Variants in DNASE1L3 observed in about 807,000 individuals in gnomAD.
DNASE1L3 encodes deoxyribonuclease 1L3.
A neutral mutation model predicts 30.9 loss-of-function variants in DNASE1L3; 27 were observed. That is an observed-to-expected ratio of 0.87 (90% CI 0.64 to 1.20). The LOEUF (loss-of-function observed/expected upper bound fraction) is 1.20, where lower values mean the gene tolerates loss of function less well. DNASE1L3 is among the 50% of genes most tolerant of loss of function. The pLI is 0.00. For missense variants in DNASE1L3, 364 were observed against 378.2 expected (o/e 0.96, Z 0.31); for synonymous variants, 135 against 138.0 (o/e 0.98, Z 0.15).
chr3:58,208,395 G>T, intron 1 of DNASE1L3, 89 bp from the exon 2 acceptor site: 1 of 1,303,432 alleles, frequency 7.7e-7, no homozygotes, highest in Non-Finnish European at 1.1e-6. Flanking sequence ...TTTAAGTATT[G>T]CACTGAGTGC....
chr3:58,206,442 G>A (rs1230602302), intron 2 of DNASE1L3, among the ~76,000 whole-genome samples: 4 of 152,170 alleles, frequency 2.6e-5, no homozygotes, highest in Admixed American at 1.3e-4. Flanking sequence ...GTGAACAGTA[G>A]GTTCTGCCGG....
At chr3:58,194,314 C>CTTTTTTTTTTT (rs11358965) in intron 6 of DNASE1L3, among the ~76,000 whole-genome samples, 1 of 89,052 alleles carries the variant, frequency 1.1e-5, no homozygotes, top group African/African-American at 4.7e-5. Context: ...GCACAACTAA[C>CTTTTTTTTTTT]TTTTTTTTTT....
At chr3:58,199,223 G>T (rs781735301) in intron 5 of DNASE1L3, among the ~76,000 whole-genome samples, 23 of 152,304 alleles carry the variant, frequency 1.5e-4, no homozygotes, top group Non-Finnish European at 3.1e-4. Context: ...TTCACTATGT[G>T]CCAGGCCTAG....
intron 4 of DNASE1L3, among the ~76,000 whole-genome samples, chr3:58,202,859 A>T (rs2097401693): frequency 6.6e-6 from 1 of 152,146 alleles, no homozygotes; most frequent in South Asian, 2.1e-4. Context: ...GTCTAAAAAA[A>T]AAAAAATGAG....
chr3:58,200,906 TCCTCCC>T lies in DNASE1L3; in HGVS notation c.546+85_546+90del. 1.0e-6 allele frequency: 1 copy of T among 992,194 alleles called. No homozygotes were observed. Among genetic ancestry groups the T allele is most frequent in the South Asian group, 1.8e-5 (1 of 57,062 alleles). 61.5% of individuals were successfully genotyped at this position (992,194 alleles called of 1,614,324 possible). ...GGTGGTAGCCTGCACATGCCCTTCC[TCCTCCC>T]CCTCCCTGGAGAGGTACTCATCCCA... On this transcript the variant is annotated intron_variant, in intron 5 of 7. Transcript: ENST00000394549. The surrounding 1 kb of genome is among the most constrained non-coding windows in gnomAD (Gnocchi z 4.2).
intron 4 of DNASE1L3, 48 bp from the exon 5 acceptor site, chr3:58,201,157 T>A: frequency 6.7e-7 from 1 of 1,499,342 alleles, no homozygotes; most frequent in Non-Finnish European, 9.2e-7. Context: ...CCTGTCAAGG[T>A]CTCATAAACA....
chr3:58,209,839 A>G lies in DNASE1L3; in HGVS notation c.141+927T>C, dbSNP rs547083060. ...TGGACCCAGGGCTCCTGGCCCCCCTACCACACCATGGTGTCTCAGGTTTCC... is the reference window on the plus strand; with the variant it reads ...TGGACCCAGGGCTCCTGGCCCCCCTGCCACACCATGGTGTCTCAGGTTTCC... On this transcript the variant is annotated intron_variant, in intron 1 of 7. Coordinates refer to ENST00000394549, the MANE Select transcript of DNASE1L3 (RefSeq NM_004944.4). Among the ~76,000 whole-genome samples, 20 of 152,346 alleles carry G rather than the reference A, an allele frequency of 1.3e-4. No homozygotes were observed. In the South Asian group the frequency reaches 4.1e-3, roughly 32 times the overall value.
chr3:58,204,683 C>G, intron 4 of DNASE1L3, 86 bp downstream of exon 4: 2 of 1,112,170 alleles, frequency 1.8e-6, no homozygotes. Context: ...AGCCTAATGC[C>G]TCCTTAATGG....
At chr3:58,205,896 G>C (rs184859580) in intron 2 of DNASE1L3, among the ~76,000 whole-genome samples, 1 of 152,328 alleles carries the variant, frequency 6.6e-6, no homozygotes, top group Admixed American at 6.5e-5. Context: ...AGGCCACTGA[G>C]ACCCTAGAAG....
intron 4 of DNASE1L3, 31 bp downstream of exon 4, chr3:58,204,738 T>A (rs1400114682): frequency 6.3e-7 from 1 of 1,594,338 alleles, no homozygotes; most frequent in Non-Finnish European, 8.6e-7. Flanking sequence ...GTTGGGGAGG[T>A]CCCAGACAGA....
Position 58,208,318 on chromosome 3 carries a change from A to G in DNASE1L3, c.142-12T>C. The G allele has an allele frequency of 6.2e-7, 1 of 1,614,090 alleles. No homozygotes were observed. Among genetic ancestry groups the G allele is most frequent in the Non-Finnish European group, 8.5e-7 (1 of 1,179,902 alleles). On this transcript the variant is annotated splice_polypyrimidine_tract_variant and intron_variant, in intron 1 of 7. Coordinates refer to ENST00000394549, the MANE Select transcript of DNASE1L3 (RefSeq NM_004944.4). Reference sequence around the variant, plus strand: ...CAGCGTTTGATGACCTGCAAGAAAGAGAATTCCCAGGGGTTTGAGGTCATT... The same window carrying G: ...CAGCGTTTGATGACCTGCAAGAAAGGGAATTCCCAGGGGTTTGAGGTCATT...
chr3:58,206,723 C>T (rs1049515725), intron 2 of DNASE1L3, among the ~76,000 whole-genome samples: 3 of 152,158 alleles, frequency 2.0e-5, no homozygotes, highest in African/African-American at 7.2e-5. Flanking sequence ...CCCCCACAAA[C>T]CTGTCCCCTC....
intron 2 of DNASE1L3, among the ~76,000 whole-genome samples, chr3:58,207,458 C>T (rs1339002580): frequency 5.5e-5 from 4 of 72,600 alleles, no homozygotes; most frequent in African/African-American, 3.1e-4. Flanking sequence ...CCCCCCCCAC[C>T]AGAAGTAACC....
chr3:58,204,077 C>T (rs183034101), intron 4 of DNASE1L3, among the ~76,000 whole-genome samples: 53 of 151,618 alleles, frequency 3.5e-4, no homozygotes, highest in Non-Finnish European at 5.7e-4. Context: ...GAGGAGTCTG[C>T]GATGCAGTGA....
chr3:58,210,947 C>A lies in DNASE1L3; in HGVS notation c.-41G>T. The A allele has an allele frequency of 6.2e-7, 1 of 1,609,420 alleles. No homozygotes were observed. The highest frequency in any genetic ancestry group is 8.5e-7 in the Non-Finnish European group (1 of 1,178,026). ...GCTTCAAGACTCTGTGAGAAGACAG[C>A]AGTGCTTGGAGTGCTGGATTCTGGC... On this transcript the variant is annotated 5_prime_UTR_variant, in exon 1 of 8. Coordinates refer to ENST00000394549, the MANE Select transcript of DNASE1L3 (RefSeq NM_004944.4).
chr3:58,203,980 T>C (rs2097402309), intron 4 of DNASE1L3, among the ~76,000 whole-genome samples: 1 of 152,130 alleles, frequency 6.6e-6, no homozygotes, highest in Non-Finnish European at 1.5e-5. Context: ...TACAGGAGGC[T>C]GGCACTTAAT....
intron 6 of DNASE1L3, among the ~76,000 whole-genome samples, chr3:58,194,326 T>TTC: frequency 6.9e-6 from 1 of 145,862 alleles, no homozygotes; most frequent in Admixed American, 6.8e-5. Flanking sequence ...TTTTTTTTTT[T>TTC]TTTTTTTTTT....
At position 58,192,942 on chromosome 3, in the gene DNASE1L3, C is replaced by T. The variant is rs1412926538; in HGVS notation, c.802-139G>A. The T allele has an allele frequency of 2.3e-5, 34 of 1,460,152 alleles. No individual in the cohort carries two copies. In the South Asian group the frequency reaches 4.1e-4, roughly 18 times the overall value. The allele number at this position is 1,460,152 out of a possible 1,614,324, so 90.4% of individuals were successfully genotyped here. The stretch of plus-strand genomic sequence containing the variant: ...ACCCCACAGAACACTTACTGGTAAG[C>T]GTCATTCCAAGACCAGCTCGATCAG... On this transcript the variant is annotated intron_variant, in intron 7 of 7. Transcript: ENST00000394549. The surrounding 1 kb of genome is among the most constrained non-coding windows in gnomAD (Gnocchi z 4.8).
intron 6 of DNASE1L3, among the ~76,000 whole-genome samples, chr3:58,194,080 A>C (rs1261453770): frequency 6.6e-6 from 1 of 152,216 alleles, no homozygotes; most frequent in African/African-American, 2.4e-5. Flanking sequence ...AAATCACAGC[A>C]TATGTGCTTT....
Sources: allele counts gnomAD v4.1 joint callset (sites outside exome capture counted in the v4.1 genomes callset), GRCh38; gene constraint gnomAD v4.1.1; non-coding constraint Gnocchi (gnomAD v3.1); transcripts MANE v1.5; gene names NCBI Gene and HGNC (gene_info 2026-07-23, HGNC 2026-07-21).